The following PRKG1 variants were observed in gnomAD, a reference collection of about 807,000 sequenced individuals.
The protein encoded by PRKG1 is cGMP-dependent protein kinase 1.
A neutral mutation model predicts 88.1 loss-of-function variants in PRKG1; 35 were observed. The observed-to-expected ratio is 0.40, with a 90% CI of 0.30 to 0.53. The LOEUF is 0.53. PRKG1 is among the 20% of genes least tolerant of loss of function. The pLI is 0.59. For synonymous variants in PRKG1, 303 were observed against 292.5 expected (o/e 1.04, Z -0.37); for missense variants, 540 against 839.8 (o/e 0.64, Z 4.41).
At chr10:52,290,992 G>A (rs1371206734) in intron 17 of PRKG1, among the ~76,000 whole-genome samples, 3 of 145,594 alleles carry the variant, frequency 2.1e-5, no homozygotes, top group South Asian at 4.3e-4. Context: ...GCGTGATCTC[G>A]GCTTACTGCA....
chr10:51,568,791 A>C (rs943265653), intron 3 of PRKG1: 6 of 152,062 alleles, frequency 3.9e-5, no homozygotes, highest in African/African-American at 1.4e-4. Flanking sequence ...TACTGCAAAA[A>C]AAGAAAAAAA....
intron 3 of PRKG1, among the ~76,000 whole-genome samples, chr10:51,590,098 A>G (rs1416042458): frequency 6.6e-6 from 1 of 152,178 alleles, no homozygotes; most frequent in Admixed American, 6.5e-5. Flanking sequence ...GTCAAAAACA[A>G]GATTTTTTTC....
intron 3 of PRKG1, among the ~76,000 whole-genome samples, chr10:51,665,584 A>G (rs1222338703): frequency 6.6e-6 from 1 of 152,160 alleles, no homozygotes; most frequent in Non-Finnish European, 1.5e-5. Context: ...GTACATTTTA[A>G]GACAACATGT....
At chr10:51,557,178 T>C (rs969821051) in intron 3 of PRKG1, among the ~76,000 whole-genome samples, 4 of 152,014 alleles carry the variant, frequency 2.6e-5, no homozygotes, top group Non-Finnish European at 5.9e-5. Context: ...TTATAGCTGC[T>C]AAGTTAGGGC....
chr10:51,385,294 T>C (rs887131634), intron 2 of PRKG1, among the ~76,000 whole-genome samples: 4 of 152,202 alleles, frequency 2.6e-5, no homozygotes, highest in African/African-American at 9.6e-5. Flanking sequence ...TTTCTTCCTA[T>C]TTAACACAGT....
intron 2 of PRKG1, among the ~76,000 whole-genome samples, chr10:51,354,267 A>G (rs1168389768): frequency 6.6e-6 from 1 of 152,132 alleles, no homozygotes; most frequent in Non-Finnish European, 1.5e-5. Flanking sequence ...ACTGTAGTCA[A>G]TAATAATTTA....
intron 10 of PRKG1, among the ~76,000 whole-genome samples, chr10:52,265,225 C>A (rs1173838361): frequency 6.6e-6 from 1 of 152,028 alleles, no homozygotes; most frequent in African/African-American, 2.4e-5. Context: ...TTCCTTAACT[C>A]CCTTCATCAC....
At chr10:51,962,063 C>T (rs2133073199) in intron 5 of PRKG1, among the ~76,000 whole-genome samples, 1 of 152,292 alleles carries the variant, frequency 6.6e-6, no homozygotes, top group South Asian at 2.1e-4. Flanking sequence ...AATCCAAAAT[C>T]TATCCACCAA....
At chr10:51,299,331 G>C (rs1370056119) in intron 2 of PRKG1, among the ~76,000 whole-genome samples, 1 of 151,968 alleles carries the variant, frequency 6.6e-6, no homozygotes, top group Non-Finnish European at 1.5e-5. Context: ...TCAGCCTCCT[G>C]AATAGGTAGG....
chr10:52,185,408 C>T (rs1457663604), intron 9 of PRKG1, among the ~76,000 whole-genome samples: 7 of 152,228 alleles, frequency 4.6e-5, no homozygotes, highest in African/African-American at 1.4e-4. Flanking sequence ...TGAGTAGCTC[C>T]ACCCCTGTGG....
chr10:51,280,457 C>A (rs1272142925), intron 2 of PRKG1, among the ~76,000 whole-genome samples: 2 of 152,220 alleles, frequency 1.3e-5, no homozygotes, highest in African/African-American at 4.8e-5. Flanking sequence ...TAATATCCTG[C>A]AGACTGTTTT....
At chr10:51,196,271 G>A (rs1837762666) in intron 2 of PRKG1, among the ~76,000 whole-genome samples, 1 of 152,128 alleles carries the variant, frequency 6.6e-6, no homozygotes, top group Non-Finnish European at 1.5e-5. Flanking sequence ...GTATGTGTGG[G>A]GGAGAGGGAA....
intron 1 of PRKG1, among the ~76,000 whole-genome samples, chr10:51,006,121 A>G (rs1842938169): frequency 6.6e-6 from 1 of 152,162 alleles, no homozygotes; most frequent in Non-Finnish European, 1.5e-5. Flanking sequence ...GCCTGTTTGC[A>G]GCTTAGAGAC....
At chr10:52,278,092 A>G (rs1841916700) in intron 12 of PRKG1, among the ~76,000 whole-genome samples, 1 of 151,656 alleles carries the variant, frequency 6.6e-6, no homozygotes. Flanking sequence ...TCCAGAATCT[A>G]CAAGGAACTT....
intron 9 of PRKG1, among the ~76,000 whole-genome samples, chr10:52,240,068 C>T (rs1034281594): frequency 3.3e-5 from 5 of 152,108 alleles, no homozygotes; most frequent in Admixed American, 1.3e-4. Context: ...GGACACCTTT[C>T]CAAGGTAAAA....
At chr10:51,229,604 A>C (rs1838781083) in intron 2 of PRKG1, among the ~76,000 whole-genome samples, 1 of 152,168 alleles carries the variant, frequency 6.6e-6, no homozygotes, top group Non-Finnish European at 1.5e-5. Context: ...TCCCTAACAC[A>C]TAAAAATGGG....
chr10:52,214,871 A>G (rs1840070461), intron 9 of PRKG1, among the ~76,000 whole-genome samples: 1 of 152,176 alleles, frequency 6.6e-6, no homozygotes, highest in African/African-American at 2.4e-5. Context: ...GAGGCCTTTC[A>G]CTGAGGGAAC....
intron 1 of PRKG1, among the ~76,000 whole-genome samples, chr10:50,993,466 A>T (rs1290449018): frequency 6.6e-6 from 1 of 152,146 alleles, no homozygotes; most frequent in Non-Finnish European, 1.5e-5. Context: ...TTGCCTGGGA[A>T]GCTGCTGCTG....
In PRKG1 at chr10:51,074,833, C is replaced by G. The variant is rs767315618; in HGVS notation, c.243C>G (p.Ala81=). Residue 81 remains alanine (A), a synonymous_variant, in exon 1 of 18, where the codon GCC becomes GCG. Coordinates refer to ENST00000373980, the MANE Select transcript of PRKG1 (RefSeq NM_006258.4). The stretch of plus-strand genomic sequence containing the variant: ...GCACCAAGCGGCAGGCGATCTCCGC[C>G]GAGCCCACCGCCTTCGACATCCAGG... ...EPRTKRQAIS[A]EPTAFDIQDL... The G allele has an allele frequency of 6.2e-6, 10 of 1,613,448 alleles. No individual in the cohort carries two copies. Among genetic ancestry groups the G allele is most frequent in the Middle Eastern group, 1.6e-4 (1 of 6,082 alleles).
Sources: allele counts gnomAD v4.1 joint callset (sites outside exome capture counted in the v4.1 genomes callset), GRCh38; gene constraint gnomAD v4.1.1; transcripts MANE v1.5; gene names NCBI Gene and HGNC (gene_info 2026-07-23, HGNC 2026-07-21).